The following MTA3 variants were observed in gnomAD, a reference collection of about 807,000 sequenced individuals.
MTA3 encodes metastasis-associated protein MTA3.
A neutral mutation model predicts 83.5 loss-of-function variants in MTA3; 34 were observed. The observed-to-expected ratio is 0.41, with a 90% CI of 0.31 to 0.54. The LOEUF is 0.54. Among genes scored for constraint, MTA3 ranks in the 20% least tolerant of loss-of-function variants. The probability of loss-of-function intolerance (pLI) is 0.33; values close to 1 mark genes in which losing one functional copy is unlikely to be tolerated. For synonymous variants in MTA3, 303 were observed against 252.7 expected (o/e 1.20, Z -1.89); for missense variants, 761 against 726.4 (o/e 1.05, Z -0.55).
chr2:42,633,568 G>C (rs1243525326), intron 4 of MTA3, among the ~76,000 whole-genome samples: 1 of 151,900 alleles, frequency 6.6e-6, no homozygotes, highest in Non-Finnish European at 1.5e-5. Context: ...GACAGAGCGA[G>C]ATCCTGTCTC....
intron 4 of MTA3, 75 bp downstream of exon 4, chr2:42,609,659 C>G (rs1683939967): frequency 6.8e-7 from 1 of 1,469,206 alleles, no homozygotes; most frequent in African/African-American, 1.4e-5. Flanking sequence ...GAAGCGTTTT[C>G]CAGACTCTTC....
At chr2:42,584,540 A>C (rs1476674749) in intron 3 of MTA3, among the ~76,000 whole-genome samples, 1 of 151,896 alleles carries the variant, frequency 6.6e-6, no homozygotes, top group South Asian at 2.1e-4. Flanking sequence ...TGGAGACTTC[A>C]GTGTATTTTT....
chr2:42,688,401 A>T lies in MTA3; in HGVS notation c.891+5812A>T, dbSNP rs185178502. Among the ~76,000 whole-genome samples the T allele has an allele frequency of 3.7e-4, 57 of 152,274 alleles. 1 individual carries two copies. The East Asian group carries it at 7.7e-3, about 21-fold the overall frequency. ...ACCTGACACATTATTGTCATTTTTT[A>T]AAAAAGCCATTATAATAGGTTTGTA... is the stretch of plus-strand genomic sequence containing the variant. On this transcript the variant is annotated intron_variant, in intron 9 of 16. Transcript: ENST00000405094.
chr2:42,682,933 G>A (rs983778805), intron 9 of MTA3, among the ~76,000 whole-genome samples: 2 of 152,126 alleles, frequency 1.3e-5, no homozygotes, highest in Non-Finnish European at 2.9e-5. Flanking sequence ...CTCGCTGGGC[G>A]TGGTGGCACG....
chr2:42,574,768 C>G (rs1309615781), intron 2 of MTA3, among the ~76,000 whole-genome samples: 1 of 152,158 alleles, frequency 6.6e-6, no homozygotes, highest in Non-Finnish European at 1.5e-5. Flanking sequence ...CTGTGTTGCC[C>G]AGGCTGATCT....
At chr2:42,711,933 G>A (rs762556703) in intron 14 of MTA3, among the ~76,000 whole-genome samples, 8 of 152,112 alleles carry the variant, frequency 5.3e-5, no homozygotes, top group Non-Finnish European at 8.8e-5. Context: ...GCTGAAGTGT[G>A]TTATTCTCAA....
At position 42,525,475 on chromosome 2, in the gene MTA3, A is replaced by ATTCCTTCCTTCCTTCCTTCT. The variant is rs1553337620; in HGVS notation, c.-141+30240_-141+30241insTTTCCTTCCTTCCTTCCTTC. 2.1e-3 allele frequency among the ~76,000 whole-genome samples: 290 copies of ATTCCTTCCTTCCTTCCTTCT among 135,594 alleles called. 1 individual carries two copies. Among genetic ancestry groups the ATTCCTTCCTTCCTTCCTTCT allele is most frequent in the African/African-American group, 4.4e-3 (157 of 35,636 alleles). 89.0% of individuals were successfully genotyped at this position (135,594 alleles called of 152,430 possible). On this transcript the variant is annotated intron_variant, in intron 2 of 17. Transcript: ENST00000405592. ...TCAGCCTCCCAAAGTGCTAGGATCA[A>ATTCCTTCCTTCCTTCCTTCT]TTCCTTCCTTCCTTCCTTCCTTCCT...
intron 2 of MTA3, among the ~76,000 whole-genome samples, chr2:42,543,538 G>A (rs376998150): frequency 6.6e-6 from 1 of 152,072 alleles, no homozygotes; most frequent in Admixed American, 6.6e-5. Context: ...AGGCTGGAGA[G>A]CAGTGGCAAT....
At chr2:42,660,339 G>C (rs915259743) in intron 8 of MTA3, among the ~76,000 whole-genome samples, 4 of 152,140 alleles carry the variant, frequency 2.6e-5, no homozygotes, top group Admixed American at 6.5e-5. Flanking sequence ...CACCCGCCTC[G>C]GCCTTCCGAA....
chr2:42,498,685 G>C (rs1445564028), intron 2 of MTA3, among the ~76,000 whole-genome samples: 1 of 152,194 alleles, frequency 6.6e-6, no homozygotes, highest in Non-Finnish European at 1.5e-5. Flanking sequence ...AAGACAGCTT[G>C]TGTGCTGCCT....
chr2:42,730,323 C>T (rs1243511223), intron 16 of MTA3, among the ~76,000 whole-genome samples: 1 of 152,134 alleles, frequency 6.6e-6, no homozygotes, highest in Non-Finnish European at 1.5e-5. Flanking sequence ...TTCAGCTTTT[C>T]CCTGTTCAGT....
intron 2 of MTA3, among the ~76,000 whole-genome samples, chr2:42,555,880 T>C (rs181689878): frequency 2.6e-5 from 4 of 152,064 alleles, no homozygotes; most frequent in Admixed American, 2.6e-4. Flanking sequence ...GAGATCAGCC[T>C]GGCCAACATG....
intron 9 of MTA3, among the ~76,000 whole-genome samples, chr2:42,692,855 G>A (rs1693028154): frequency 6.6e-6 from 1 of 152,226 alleles, no homozygotes; most frequent in Non-Finnish European, 1.5e-5. Context: ...GTTCGTTAGT[G>A]TCTGAGCATT....
chr2:42,743,097 A>G (rs989908504), intron 16 of MTA3, among the ~76,000 whole-genome samples: 4 of 152,202 alleles, frequency 2.6e-5, no homozygotes, highest in African/African-American at 9.6e-5. Context: ...AGACAGTAGA[A>G]TCTTATTCAG....
intron 16 of MTA3, among the ~76,000 whole-genome samples, chr2:42,724,329 C>CACACACACACGT (rs1667657293): frequency 1.4e-5 from 2 of 147,064 alleles, no homozygotes; most frequent in African/African-American, 5.1e-5. Flanking sequence ...CACACACACA[C>CACACACACACGT]ACGTATATAT....
chr2:42,545,187 G>A (rs1475687419), intron 2 of MTA3, among the ~76,000 whole-genome samples: 1 of 152,070 alleles, frequency 6.6e-6, no homozygotes, highest in Non-Finnish European at 1.5e-5. Context: ...AGGCCAGCCT[G>A]GGCAACATAG....
At chr2:42,677,682 TTGC>T (rs1691508790) in intron 8 of MTA3, among the ~76,000 whole-genome samples, 1 of 152,164 alleles carries the variant, frequency 6.6e-6, no homozygotes. Context: ...GCACAACCTC[TTGC>T]TTTTTGCCTG....
chr2:42,639,123 C>T (rs13033417), intron 4 of MTA3, among the ~76,000 whole-genome samples: 109,516 of 149,228 alleles, frequency 0.73, 40,480 homozygotes, highest in South Asian at 0.87. Flanking sequence ...TGCAGTGGCA[C>T]GATCTCGGCT....
chr2:42,717,297 A>G (rs1667098440), intron 14 of MTA3, among the ~76,000 whole-genome samples: 1 of 152,132 alleles, frequency 6.6e-6, no homozygotes, highest in Admixed American at 6.5e-5. Context: ...GAAATGTCTC[A>G]GTTTGCAAAA....
Sources: allele counts gnomAD v4.1 joint callset (sites outside exome capture counted in the v4.1 genomes callset), GRCh38; gene constraint gnomAD v4.1.1; transcripts MANE v1.5; gene names NCBI Gene and HGNC (gene_info 2026-07-23, HGNC 2026-07-21).